FAM168A: variants seen among roughly 807,000 people sequenced by gnomAD.
The protein encoded by FAM168A is family with sequence similarity 168 member A.
A neutral mutation model predicts 28.5 loss-of-function variants in FAM168A; 3 were observed. The ratio of observed to expected loss-of-function variants is 0.11; its 90% CI spans 0.05 to 0.27. The LOEUF (loss-of-function observed/expected upper bound fraction) is 0.27, where lower values mean the gene tolerates loss of function less well. FAM168A is among the 10% of genes least tolerant of loss of function. The pLI, the probability that FAM168A is intolerant of heterozygous loss-of-function variation, is 1.00. For missense variants in FAM168A, 222 were observed against 311.5 expected (o/e 0.71, Z 2.16); for synonymous variants, 122 against 124.2 (o/e 0.98, Z 0.12).
chr11:73,410,373 A>G (rs962239483), intron 5 of FAM168A: 3 of 151,744 alleles, frequency 2.0e-5, no homozygotes, highest in Admixed American at 6.6e-5. Context: ...ACGCCACTGC[A>G]CTCCAGCCTG....
chr11:73,510,710 GA>G (rs1355810777), intron 1 of FAM168A: 5 of 368,754 alleles, frequency 1.4e-5, no homozygotes, highest in East Asian at 7.5e-5. Flanking sequence ...TATTACTCCG[GA>G]AAAAAAGAAC....
At chr11:73,535,963 A>G (rs1943574933) in intron 1 of FAM168A, among the ~76,000 whole-genome samples, 1 of 151,602 alleles carries the variant, frequency 6.6e-6, no homozygotes. Context: ...CTCCCACCTC[A>G]GCCTACTGAG....
chr11:73,446,871 T>A (rs1263489034), intron 2 of FAM168A, among the ~76,000 whole-genome samples: 1 of 152,198 alleles, frequency 6.6e-6, no homozygotes, highest in Non-Finnish European at 1.5e-5. Flanking sequence ...CTTTCAAAAA[T>A]GCCAACCTAT....
chr11:73,406,235 T>C lies in FAM168A; in HGVS notation c.*528A>G, dbSNP rs1177080077. The stretch of plus-strand genomic sequence containing the variant: ...TGTTCTTGGTCTGTTGCAATGGTTC[T>C]CAGGAGACATTTCATTTGTGTCTGG... On this transcript the variant is annotated 3_prime_UTR_variant, in exon 8 of 8. Transcript: ENST00000356467. 6.6e-6 allele frequency: 1 copy of C among 152,126 alleles called. No individual in the cohort carries two copies. The highest frequency in any genetic ancestry group is 1.5e-5 in the Non-Finnish European group (1 of 68,036). The allele number at this position is 152,126 out of a possible 1,614,324, so 9.4% of individuals were successfully genotyped here. A position where few individuals can be genotyped will look rare whatever the true frequency, so the allele number is the denominator to read the frequency against.
At chr11:73,565,474 A>G (rs1259033270) in intron 1 of FAM168A, among the ~76,000 whole-genome samples, 12 of 152,160 alleles carry the variant, frequency 7.9e-5, no homozygotes, top group Admixed American at 7.9e-4. Flanking sequence ...ATCTATCTCT[A>G]CCACTTACTA....
intron 1 of FAM168A, among the ~76,000 whole-genome samples, chr11:73,547,034 CCTAGCA>C (rs2134687060): frequency 6.7e-6 from 1 of 149,480 alleles, no homozygotes; most frequent in East Asian, 1.9e-4. Context: ...CACCTGTAAT[CCTAGCA>C]CTGGGAGGCC....
At chr11:73,569,130 TATTAGCACTGTTGTA>T (rs1458156680) in intron 1 of FAM168A, among the ~76,000 whole-genome samples, 1 of 152,244 alleles carries the variant, frequency 6.6e-6, no homozygotes, top group Non-Finnish European at 1.5e-5. Context: ...AATGCCACTA[TATTAGCACTGTTGTA>T]ATTCTCAAAC....
chr11:73,520,894 T>A (rs1943366610), intron 1 of FAM168A, among the ~76,000 whole-genome samples: 1 of 148,466 alleles, frequency 6.7e-6, no homozygotes. Flanking sequence ...CCAAAGAAAA[T>A]GGAAATAAGC....
chr11:73,496,992 A>T (rs1444883946), intron 1 of FAM168A, among the ~76,000 whole-genome samples: 2 of 152,030 alleles, frequency 1.3e-5, no homozygotes, highest in Non-Finnish European at 2.9e-5. Flanking sequence ...ATTTTACACA[A>T]ATTCCCCACG....
rs1382804080 is a variant in FAM168A, at chr11:73,404,286, T to A, written c.*2477A>T. The A allele has an allele frequency of 6.6e-6, 1 of 152,206 alleles. No individual in the cohort carries two copies. Among genetic ancestry groups the A allele is most frequent in the Admixed American group, 6.5e-5 (1 of 15,288 alleles). The allele number at this position is 152,206 out of a possible 1,614,324, so 9.4% of individuals were successfully genotyped here. ...GGAAGCCTAGCGGATACCAGCATGC[T>A]GCTCACTGTGGGCCTGTTCCCTTCC... is the stretch of plus-strand genomic sequence containing the variant. On this transcript the variant is annotated 3_prime_UTR_variant, in exon 8 of 8. Transcript: ENST00000356467.
chr11:73,565,358 T>A (rs1036975377), intron 1 of FAM168A, among the ~76,000 whole-genome samples: 1 of 152,138 alleles, frequency 6.6e-6, no homozygotes, highest in Non-Finnish European at 1.5e-5. Flanking sequence ...GAGACCACAT[T>A]ATAAGTTAAA....
At chr11:73,487,355 G>C (rs959088424) in intron 1 of FAM168A, among the ~76,000 whole-genome samples, 1 of 152,152 alleles carries the variant, frequency 6.6e-6, no homozygotes, top group African/African-American at 2.4e-5. Flanking sequence ...AGCAGGGGCT[G>C]ATTTTCTCTC....
intron 1 of FAM168A, among the ~76,000 whole-genome samples, chr11:73,497,254 C>A (rs534213695): frequency 6.6e-6 from 1 of 152,018 alleles, no homozygotes; most frequent in African/African-American, 2.4e-5. Context: ...ATCACGAGGT[C>A]AGGAGATCCA....
intron 1 of FAM168A, among the ~76,000 whole-genome samples, chr11:73,541,030 C>A (rs1305871021): frequency 6.6e-6 from 1 of 152,106 alleles, no homozygotes; most frequent in African/African-American, 2.4e-5. Context: ...CATGCTGAAA[C>A]TCCCTCTCTA....
intron 1 of FAM168A, among the ~76,000 whole-genome samples, chr11:73,510,420 C>CA (rs1366033686): frequency 6.6e-5 from 10 of 152,178 alleles, no homozygotes; most frequent in Non-Finnish European, 1.5e-4. Context: ...GTCAAGGCAT[C>CA]AAAGTCCTAG....
At chr11:73,407,019 C>T (rs1866518377) in intron 7 of FAM168A, among the ~76,000 whole-genome samples, 1 of 152,138 alleles carries the variant, frequency 6.6e-6, no homozygotes, top group Non-Finnish European at 1.5e-5. Flanking sequence ...TCTGGGTCAG[C>T]CCAAAGCCTC....
chr11:73,559,388 A>G (rs533863872), intron 1 of FAM168A, among the ~76,000 whole-genome samples: 63 of 151,986 alleles, frequency 4.1e-4, no homozygotes, highest in Non-Finnish European at 7.1e-4. Flanking sequence ...CCTGGGCAAC[A>G]CTGGCAGTGA....
intron 1 of FAM168A, among the ~76,000 whole-genome samples, chr11:73,543,488 C>T (rs1050889348): frequency 6.6e-6 from 1 of 151,896 alleles, no homozygotes; most frequent in Non-Finnish European, 1.5e-5. Context: ...CTCAAACTCC[C>T]GACTTCAGGT....
chr11:73,429,438 G>A (rs560162190), intron 3 of FAM168A, among the ~76,000 whole-genome samples: 31 of 152,248 alleles, frequency 2.0e-4, no homozygotes, highest in Non-Finnish European at 3.7e-4. Context: ...GAAAATGGGC[G>A]GGTATTATCA....
Sources: gnomAD v4.1 joint callset for allele counts (sites outside exome capture counted in the v4.1 genomes callset) on GRCh38, gnomAD v4.1.1 for gene constraint, MANE v1.5 for transcripts, NCBI Gene and HGNC (gene_info 2026-07-23, HGNC 2026-07-21) for gene names.